The following STK17A variants were observed in gnomAD, a reference collection of about 807,000 sequenced individuals.
STK17A encodes the protein serine/threonine-protein kinase 17A.
Under a neutral mutation model 43.7 loss-of-function variants are expected in STK17A, and 26 were observed. The ratio of observed to expected loss-of-function variants is 0.60; its 90% CI spans 0.44 to 0.83. STK17A has a LOEUF of 0.83. STK17A is among the 40% of genes least tolerant of loss of function. STK17A has a pLI of 0.00. For missense variants in STK17A, 476 were observed against 511.6 expected, an observed-to-expected ratio of 0.93 and a Z score of 0.67; for synonymous variants, 191 against 182.5, an observed-to-expected ratio of 1.05 and a Z score of -0.38.
In STK17A at chr7:43,627,046, G is replaced by C. The variant is rs966908092; in HGVS notation, c.*2204G>C. 3.3e-5 allele frequency among the ~76,000 whole-genome samples: 5 copies of C among 152,094 alleles called. No homozygotes were observed. The highest frequency in any genetic ancestry group is 4.1e-4 in the South Asian group (2 of 4,824). On this transcript the variant is annotated 3_prime_UTR_variant, in exon 7 of 7. Transcript: ENST00000319357. ...TCTACACTTATCTAAAGCTGTTAAT[G>C]TTCCTTTTTTTCTATCACCAAATTT...
At chr7:43,611,863 A>T (rs1420537671) in intron 3 of STK17A, among the ~76,000 whole-genome samples, 1 of 152,196 alleles carries the variant, frequency 6.6e-6, no homozygotes, top group African/African-American at 2.4e-5. Flanking sequence ...CACCTATAGG[A>T]AATGAGCTTT....
At chr7:43,583,654 A>G (rs1295992748) in intron 1 of STK17A, among the ~76,000 whole-genome samples, 1 of 152,168 alleles carries the variant, frequency 6.6e-6, no homozygotes, top group East Asian at 1.9e-4. Flanking sequence ...CGCCGCGCCC[A>G]GCAAGCGAGT....
At chr7:43,584,400 T>A (rs1371967356) in intron 1 of STK17A, among the ~76,000 whole-genome samples, 1 of 152,254 alleles carries the variant, frequency 6.6e-6, no homozygotes, top group Non-Finnish European at 1.5e-5. Flanking sequence ...CGTATAATGA[T>A]GACAGTACCT....
intron 3 of STK17A, among the ~76,000 whole-genome samples, chr7:43,614,571 A>G (rs890452358): frequency 1.3e-5 from 2 of 152,242 alleles, no homozygotes; most frequent in Non-Finnish European, 2.9e-5. Context: ...TATTTAGAGA[A>G]GCAAAGTCTA....
Position 43,619,591 on chromosome 7 carries a change from T to C in STK17A, c.565-6T>C. ...TTGATTTTTGCGGGGGTGTATTTTC[T>C]TTTAGCCTCAGAATATTCTGTTGAC... On this transcript the variant is annotated splice_polypyrimidine_tract_variant and splice_region_variant and intron_variant, in intron 3 of 6. Coordinates refer to ENST00000319357, the MANE Select transcript of STK17A (RefSeq NM_004760.3). 6.2e-7 allele frequency: 1 copy of C among 1,612,224 alleles called. No individual in the cohort carries two copies. Among genetic ancestry groups the C allele is most frequent in the Non-Finnish European group, 8.5e-7 (1 of 1,179,434 alleles).
At chr7:43,619,930 C>T (rs1033471608) in intron 4 of STK17A, among the ~76,000 whole-genome samples, 2 of 152,194 alleles carry the variant, frequency 1.3e-5, no homozygotes, top group Admixed American at 6.5e-5. Flanking sequence ...TATCTCTTCA[C>T]TACAGAGCTA....
intron 1 of STK17A, among the ~76,000 whole-genome samples, chr7:43,595,286 T>C (rs1271645954): frequency 6.8e-6 from 1 of 146,466 alleles, no homozygotes; most frequent in East Asian, 2.0e-4. Flanking sequence ...TTTTTTTTTT[T>C]TCCCCCCTGG....
chr7:43,616,043 A>G (rs2083310338), intron 3 of STK17A, among the ~76,000 whole-genome samples: 1 of 152,116 alleles, frequency 6.6e-6, no homozygotes, highest in South Asian at 2.1e-4. Context: ...AGGGCTCCAA[A>G]AGAGAGGACT....
At chr7:43,623,370 A>G (rs1289316112) in intron 4 of STK17A, 3 of 547,850 alleles carry the variant, frequency 5.5e-6, no homozygotes, top group East Asian at 3.2e-5. Context: ...AATGGTGGGT[A>G]GAAGTGTGAA....
chr7:43,606,649 TG>T (rs2082592298), intron 2 of STK17A, among the ~76,000 whole-genome samples: 1 of 152,132 alleles, frequency 6.6e-6, no homozygotes, highest in Non-Finnish European at 1.5e-5. Context: ...CTAGCTTCCA[TG>T]TGAAGGAAAG....
chr7:43,619,058 T>C (rs1220692663), intron 3 of STK17A, among the ~76,000 whole-genome samples: 4 of 152,120 alleles, frequency 2.6e-5, no homozygotes, highest in African/African-American at 9.7e-5. Context: ...GGGGAGGAAT[T>C]TCAACAATAC....
At chr7:43,584,162 G>C (rs6948092) in intron 1 of STK17A, among the ~76,000 whole-genome samples, 26,087 of 151,948 alleles carry the variant, frequency 0.17, 2,396 homozygotes, top group Non-Finnish European at 0.2. Context: ...AACTTGGTCT[G>C]TAAAGTTGCA....
At chr7:43,598,237 G>A (rs1390950999) in intron 2 of STK17A, among the ~76,000 whole-genome samples, 6 of 152,054 alleles carry the variant, frequency 3.9e-5, no homozygotes, top group African/African-American at 1.4e-4. Flanking sequence ...ATGGGAGGCC[G>A]AGGCAGGTGG....
intron 6 of STK17A, 149 bp from the exon 7 acceptor site, chr7:43,624,369 A>G: frequency 1.3e-6 from 1 of 763,762 alleles, no homozygotes; most frequent in Non-Finnish European, 2.0e-6. Flanking sequence ...CCCAAATTCC[A>G]AGACTAATAG....
intron 1 of STK17A, among the ~76,000 whole-genome samples, chr7:43,584,842 T>C (rs1488768346): frequency 6.6e-6 from 1 of 152,212 alleles, no homozygotes; most frequent in Non-Finnish European, 1.5e-5. Context: ...AGCTGTGACT[T>C]AGCTGTGTAT....
intron 1 of STK17A, among the ~76,000 whole-genome samples, chr7:43,585,976 G>C (rs1421214429): frequency 6.6e-6 from 1 of 151,546 alleles, no homozygotes; most frequent in East Asian, 1.9e-4. Context: ...AGCAGTCCTT[G>C]TTTAAGTTTT....
At chr7:43,607,647 CAAAAAAAAAA>C (rs760624386) in intron 2 of STK17A, among the ~76,000 whole-genome samples, 3 of 54,358 alleles carry the variant, frequency 5.5e-5, no homozygotes, top group Non-Finnish European at 7.1e-5. Context: ...GACTCCGTCT[CAAAAAAAAAA>C]AAAAAAAAAA....
In STK17A at chr7:43,627,172, T is replaced by C. The variant is rs910293438; in HGVS notation, c.*2330T>C. ...GTGTGGTGAAACGTTGTTTATGAAATGTATAAAATGTATAAGTTTTAATCA... is the reference window on the plus strand; with the variant it reads ...GTGTGGTGAAACGTTGTTTATGAAACGTATAAAATGTATAAGTTTTAATCA... On this transcript the variant is annotated 3_prime_UTR_variant, in exon 7 of 7. Coordinates refer to ENST00000319357, the MANE Select transcript of STK17A (RefSeq NM_004760.3). 3.9e-5 allele frequency among the ~76,000 whole-genome samples: 6 copies of C among 152,254 alleles called. No individual in the cohort carries two copies. Among genetic ancestry groups the C allele is most frequent in the African/African-American group, 1.4e-4 (6 of 41,466 alleles).
intron 3 of STK17A, among the ~76,000 whole-genome samples, chr7:43,619,136 A>C (rs1395703583): frequency 6.6e-6 from 1 of 152,206 alleles, no homozygotes; most frequent in Non-Finnish European, 1.5e-5. Flanking sequence ...AAAGACACAG[A>C]CGGGATTTGG....
Sources: gnomAD v4.1 joint callset for allele counts (sites outside exome capture counted in the v4.1 genomes callset) on GRCh38, gnomAD v4.1.1 for gene constraint, MANE v1.5 for transcripts, NCBI Gene and HGNC (gene_info 2026-07-23, HGNC 2026-07-21) for gene names.